Variants in NDST4 observed in about 807,000 individuals in gnomAD.
NDST4 encodes the protein N-deacetylase and N-sulfotransferase 4, also known as N-heparan sulfate sulfotransferase 4.
NDST4 carries 63 observed loss-of-function variants against 100.8 expected under a neutral mutation model. That is an observed-to-expected ratio of 0.62 (90% confidence interval 0.51 to 0.77). The LOEUF is 0.77. Among genes scored for constraint, NDST4 ranks in the 30% least tolerant of loss-of-function variants. The pLI, the probability that NDST4 is intolerant of heterozygous loss-of-function variation, is 0.00. For missense variants in NDST4, 943 were observed against 1,018.4 expected (o/e 0.93, Z 1.01); for synonymous variants, 377 against 361.8 (o/e 1.04, Z -0.48).
Position 115,076,753 on chromosome 4 carries a change from A to AT in NDST4, c.283dup (p.Ile95AsnfsTer29). 1 of 1,613,976 alleles carries AT rather than the reference A, an allele frequency of 6.2e-7. No individual in the cohort carries two copies. The highest frequency in any genetic ancestry group is 8.5e-7 in the Non-Finnish European group (1 of 1,179,936). On this transcript the variant is annotated frameshift_variant, in exon 2 of 14. Coordinates refer to ENST00000264363, the MANE Select transcript of NDST4 (RefSeq NM_022569.3). LOFTEE classifies it high-confidence loss of function. ...TCGGCTGGACTCCAAAATAGCTATG[A>AT]TATCTTGACCGAGTTGAGAGTATTG...
At chr4:114,977,914 A>G (rs2126244477) in intron 2 of NDST4, among the ~76,000 whole-genome samples, 1 of 151,932 alleles carries the variant, frequency 6.6e-6, no homozygotes, top group East Asian at 1.9e-4. Context: ...ACATTTCCCT[A>G]GTTTCTAGAT....
At chr4:115,011,904 C>T (rs76018242) in intron 2 of NDST4, among the ~76,000 whole-genome samples, 5,021 of 151,738 alleles carry the variant, frequency 0.033, 287 homozygotes, top group African/African-American at 0.11. Context: ...AAATAAAATG[C>T]TTTGTTAATT....
chr4:114,854,536 T>G (rs1373772873), intron 7 of NDST4, among the ~76,000 whole-genome samples: 3 of 152,136 alleles, frequency 2.0e-5, no homozygotes, highest in African/African-American at 7.2e-5. Context: ...TGGCACAATC[T>G]CGGCTCACCG....
At chr4:114,870,618 G>T in intron 7 of NDST4, 150 bp downstream of exon 7, 2 of 583,448 alleles carry the variant, frequency 3.4e-6, no homozygotes, top group Non-Finnish European at 2.6e-6. Flanking sequence ...AGCAAAAATT[G>T]TTGAGGAAGA....
intron 1 of NDST4, among the ~76,000 whole-genome samples, chr4:115,082,746 A>G (rs2126292001): frequency 6.6e-6 from 1 of 152,194 alleles, no homozygotes; most frequent in South Asian, 2.1e-4. Flanking sequence ...AGATTAAACT[A>G]CTAATGATTT....
At chr4:114,869,781 A>T (rs1380331489) in intron 7 of NDST4, among the ~76,000 whole-genome samples, 1 of 152,164 alleles carries the variant, frequency 6.6e-6, no homozygotes, top group East Asian at 1.9e-4. Flanking sequence ...TTTGAGAAAA[A>T]ATTTATTTTG....
At chr4:114,898,935 G>C (rs1724774547) in intron 6 of NDST4, among the ~76,000 whole-genome samples, 1 of 151,680 alleles carries the variant, frequency 6.6e-6, no homozygotes, top group South Asian at 2.1e-4. Flanking sequence ...AATTATCTCA[G>C]ATGTTTTACA....
chr4:115,074,660 T>C (rs1729144200), intron 2 of NDST4, among the ~76,000 whole-genome samples: 1 of 152,146 alleles, frequency 6.6e-6, no homozygotes, highest in Non-Finnish European at 1.5e-5. Context: ...TTGGTTCACA[T>C]ATACTTTGAA....
In NDST4 at chr4:115,113,543, A is replaced by AT. The variant is rs1217420357; in HGVS notation, c.-347dup. ...TTCAGGTTCACTTGGCTCCAGGTTA[A>AT]TTAGAAGGAGCTTTCAGTTCATGCA... is the stretch of plus-strand genomic sequence containing the variant. On this transcript the variant is annotated 5_prime_UTR_variant, in exon 1 of 14. Transcript: ENST00000264363. 3.9e-5 allele frequency: 6 copies of AT among 152,120 alleles called. No individual in the cohort carries two copies. Among genetic ancestry groups the AT allele is most frequent in the African/African-American group, 1.4e-4 (6 of 41,544 alleles). The allele number at this position is 152,120 out of a possible 1,614,324, so 9.4% of individuals were successfully genotyped here.
chr4:114,830,800 G>A (rs1378246339), intron 12 of NDST4, among the ~76,000 whole-genome samples: 1 of 152,196 alleles, frequency 6.6e-6, no homozygotes, highest in Non-Finnish European at 1.5e-5. Flanking sequence ...GGGATATAAA[G>A]TTAATTAGTT....
chr4:114,922,282 T>A (rs2126219502), intron 6 of NDST4, among the ~76,000 whole-genome samples: 1 of 152,290 alleles, frequency 6.6e-6, no homozygotes, highest in South Asian at 2.1e-4. Context: ...AATTGGTATA[T>A]GATCTTCCTC....
intron 2 of NDST4, among the ~76,000 whole-genome samples, chr4:115,059,991 T>A (rs556512373): frequency 6.6e-6 from 1 of 152,126 alleles, no homozygotes; most frequent in South Asian, 2.1e-4. Flanking sequence ...AATGTTGGTT[T>A]TCTTCTGTTT....
intron 2 of NDST4, among the ~76,000 whole-genome samples, chr4:114,986,728 T>C (rs1373973330): frequency 6.8e-6 from 1 of 147,630 alleles, no homozygotes; most frequent in Non-Finnish European, 1.5e-5. Flanking sequence ...CTTCAAATGG[T>C]ATCAGTTAGG....
chr4:114,860,624 C>A (rs538464080), intron 7 of NDST4, among the ~76,000 whole-genome samples: 1 of 152,194 alleles, frequency 6.6e-6, no homozygotes, highest in African/African-American at 2.4e-5. Context: ...CAGTCTGAGC[C>A]CCTAGGTGAT....
At chr4:114,844,387 A>C (rs927822785) in intron 10 of NDST4, among the ~76,000 whole-genome samples, 8 of 152,182 alleles carry the variant, frequency 5.3e-5, no homozygotes, top group Admixed American at 3.9e-4. Flanking sequence ...TGTGCCTCTC[A>C]GCTGCAACTC....
intron 11 of NDST4, among the ~76,000 whole-genome samples, chr4:114,837,855 C>A (rs1207728482): frequency 6.6e-6 from 1 of 152,098 alleles, no homozygotes; most frequent in African/African-American, 2.4e-5. Context: ...AGAGCTTCTG[C>A]ACAGCAAAAG....
chr4:114,894,385 T>G (rs1724668356), intron 6 of NDST4, among the ~76,000 whole-genome samples: 3 of 152,318 alleles, frequency 2.0e-5, no homozygotes, highest in African/African-American at 4.8e-5. Context: ...TGGAATGTGT[T>G]TCCATTTGTT....
At chr4:114,884,981 A>G (rs1032528958) in intron 6 of NDST4, among the ~76,000 whole-genome samples, 21 of 152,270 alleles carry the variant, frequency 1.4e-4, no homozygotes, top group Non-Finnish European at 2.9e-4. Context: ...GATCTGAGAA[A>G]CTAAAATTGT....
rs921405922 is a variant in NDST4, at chr4:114,870,888, A to G, written c.1599T>C (p.Phe533=). The change falls in exon 7 of 14, where the codon TTT becomes TTC. Residue 533 remains phenylalanine, a synonymous_variant. Transcript: ENST00000264363. ...YGNDRLGLYT[F]VNLVNFVQSW... ...TCTGCACAAAGTTGACCAAGTTCAC[A>G]AAGGTATATAACCCTAGGCGGTCAT... The G allele has an allele frequency of 3.1e-6, 5 of 1,613,160 alleles. No homozygotes were observed. The African/African-American group carries it at 6.7e-5, about 22-fold the overall frequency.
Sources: allele counts gnomAD v4.1 joint callset (sites outside exome capture counted in the v4.1 genomes callset), GRCh38; gene constraint gnomAD v4.1.1; transcripts MANE v1.5; gene names NCBI Gene and HGNC (gene_info 2026-07-23, HGNC 2026-07-21).